Variants in ABCB1 observed in about 807,000 individuals in gnomAD.
ABCB1 encodes the protein ATP-dependent translocase ABCB1.
A neutral mutation model predicts 142.0 loss-of-function variants in ABCB1; 69 were observed. The ratio of observed to expected loss-of-function variants is 0.49; its 90% CI spans 0.40 to 0.59. The LOEUF is 0.59. Ranked by LOEUF, ABCB1 falls within the 20% of genes least tolerant of loss-of-function variation. ABCB1 has a pLI of 0.00. For synonymous variants in ABCB1, 532 were observed against 539.2 expected (o/e 0.99, Z 0.18); for missense variants, 1,326 against 1,554.7 (o/e 0.85, Z 2.47).
intron 4 of ABCB1, among the ~76,000 whole-genome samples, chr7:87,584,610 A>T (rs1012054303): frequency 6.6e-6 from 1 of 152,050 alleles, no homozygotes; most frequent in Non-Finnish European, 1.5e-5. Context: ...TAGTCTATTC[A>T]CTTTCCCACT....
At chr7:87,700,573 A>G in intron 1 of ABCB1, 1 of 1,586,374 alleles carries the variant, frequency 6.3e-7, no homozygotes, top group Admixed American at 1.8e-5. Context: ...TTGGTCAGAG[A>G]CTCGTTTCTA....
chr7:87,656,363 G>T (rs996659313), intron 1 of ABCB1, among the ~76,000 whole-genome samples: 1 of 152,084 alleles, frequency 6.6e-6, no homozygotes, highest in South Asian at 2.1e-4. Context: ...AATACGGTAT[G>T]CATTAGTAGT....
rs192850609 is a variant in ABCB1, at chr7:87,585,651, C to A, written c.147G>T (p.Leu49Phe). ...MFRYSNWLDK[L>F]YMVVGTLAAI... ...CAGCCAAAGTTCCCACCACCATATA[C>A]AACTTGTCAAGCCAATTTGAATAGC... is the stretch of plus-strand genomic sequence containing the variant. The change falls in exon 4 of 28, where the codon TTG becomes TTT. Residue 49 changes from leucine to phenylalanine, a missense_variant. By Grantham distance (22) the Leu-to-Phe change is conservative. Transcript: ENST00000622132. 9 of 1,613,860 alleles carry A rather than the reference C, an allele frequency of 5.6e-6. No homozygotes were observed. The Admixed American group carries it at 8.3e-5, about 15-fold the overall frequency.
chr7:87,568,431 A>C (rs1817886920), intron 5 of ABCB1, among the ~76,000 whole-genome samples: 1 of 151,882 alleles, frequency 6.6e-6, no homozygotes, highest in Admixed American at 6.6e-5. Context: ...AAAAATGCAA[A>C]CAATTCTTGG....
chr7:87,601,737 A>G (rs866934350), upstream of ABCB1, among the ~76,000 whole-genome samples: 50 of 152,378 alleles, frequency 3.3e-4, no homozygotes, highest in African/African-American at 1.1e-3. Context: ...CTTCTTATGA[A>G]CATAGAGGAA....
intron 20 of ABCB1, among the ~76,000 whole-genome samples, chr7:87,534,855 T>C (rs1052593603): frequency 1.4e-5 from 2 of 144,676 alleles, no homozygotes; most frequent in Non-Finnish European, 3.0e-5. Flanking sequence ...TTCTAGGTTA[T>C]AGTGAGCTGT....
chr7:87,520,710 T>A lies in ABCB1; in HGVS notation c.2786+66A>T, dbSNP rs1815462905. 9 of 1,418,852 alleles carry A rather than the reference T, an allele frequency of 6.3e-6. 1 individual carries two copies. The South Asian group carries it at 9.2e-5, about 15-fold the overall frequency. 87.9% of individuals were successfully genotyped at this position (1,418,852 alleles called of 1,614,324 possible). A position where few individuals can be genotyped will look rare whatever the true frequency, so the allele number is the denominator to read the frequency against. On this transcript the variant is annotated intron_variant, in intron 22 of 27. Coordinates refer to ENST00000622132, the MANE Select transcript of ABCB1 (RefSeq NM_001348946.2). ...CCTACCTTCTAGCCAAAGTAATCCC[T>A]CTGAAAACAAATATGATGATTGAAA...
intron 1 of ABCB1, chr7:87,628,386 G>A: frequency 6.4e-6 from 1 of 155,994 alleles, no homozygotes; most frequent in African/African-American, 2.4e-5. Context: ...CGCACGCGAG[G>A]CCGGGGGCCT....
chr7:87,535,083 C>A (rs1242987887), intron 20 of ABCB1, among the ~76,000 whole-genome samples: 1 of 151,976 alleles, frequency 6.6e-6, no homozygotes, highest in Non-Finnish European at 1.5e-5. Flanking sequence ...TATCTTATAG[C>A]CTTTTGTATA....
intron 21 of ABCB1, among the ~76,000 whole-genome samples, chr7:87,526,058 A>C (rs1212826728): frequency 6.6e-6 from 1 of 152,114 alleles, no homozygotes; most frequent in Non-Finnish European, 1.5e-5. Flanking sequence ...AGTGGTTTGG[A>C]AACACTCATC....
At chr7:87,655,658 A>G (rs554933363) in intron 1 of ABCB1, among the ~76,000 whole-genome samples, 1 of 152,188 alleles carries the variant, frequency 6.6e-6, no homozygotes, top group Non-Finnish European at 1.5e-5. Flanking sequence ...AATGTTGACT[A>G]TAGTTAAAGT....
At chr7:87,686,829 C>T (rs1197176153) in intron 1 of ABCB1, among the ~76,000 whole-genome samples, 1 of 150,940 alleles carries the variant, frequency 6.6e-6, no homozygotes, top group Admixed American at 6.6e-5. Flanking sequence ...TCTGTAGTCC[C>T]AGCTACTTGG....
rs202132978 is a variant in ABCB1, at chr7:87,519,309, A to C, written c.2927+17T>G. The C allele has an allele frequency of 3.7e-6, 6 of 1,612,448 alleles. No homozygotes were observed. The African/African-American group carries it at 6.7e-5, about 18-fold the overall frequency. ...CTTTATTTTTAGAGCTTAACTAAAT[A>C]ATAGCCCAATACTTACAACAGAACA... On this transcript the variant is annotated intron_variant, in intron 23 of 27. Transcript: ENST00000622132.
chr7:87,666,056 A>G (rs949649784), intron 1 of ABCB1, among the ~76,000 whole-genome samples: 4 of 152,102 alleles, frequency 2.6e-5, no homozygotes, highest in African/African-American at 9.7e-5. Flanking sequence ...AGGAATTGCC[A>G]TACTGTCTTC....
rs2157928 is a variant in ABCB1, at chr7:87,629,088, G to A, written c.-330-28010C>T. On this transcript the variant is annotated intron_variant, in intron 1 of 28. Transcript: ENST00000265724. The stretch of plus-strand genomic sequence containing the variant: ...TGTTGCGCCAGCCAAATCTGTGAGC[G>A]CGCAGCTCCTTGGACAGGGGCCCGG... 9,293 of 781,902 alleles carry A rather than the reference G, an allele frequency of 0.012. 626 individuals are homozygous for A. The African/African-American group carries it at 0.15, about 12-fold the overall frequency. The allele number at this position is 781,902 out of a possible 1,614,324, so 48.4% of individuals were successfully genotyped here. A position where few individuals can be genotyped will look rare whatever the true frequency, so the allele number is the denominator to read the frequency against.
chr7:87,508,454 G>C (rs1167979090), intron 26 of ABCB1, among the ~76,000 whole-genome samples: 1 of 152,102 alleles, frequency 6.6e-6, no homozygotes, highest in Non-Finnish European at 1.5e-5. Context: ...TTTGGACAAG[G>C]AATAGTCAAC....
intron 4 of ABCB1, among the ~76,000 whole-genome samples, chr7:87,572,155 G>A (rs139984833): frequency 1.3e-5 from 2 of 149,926 alleles, no homozygotes; most frequent in African/African-American, 5.0e-5. Flanking sequence ...TCTTGGGAAA[G>A]CTTACATTAT....
chr7:87,666,041 C>CT (rs1466370274), intron 1 of ABCB1, among the ~76,000 whole-genome samples: 1 of 152,034 alleles, frequency 6.6e-6, no homozygotes, highest in Non-Finnish European at 1.5e-5. Flanking sequence ...TCTTTTAGCT[C>CT]TTTGAGGAAT....
chr7:87,656,726 A>T (rs1055826400), intron 1 of ABCB1, among the ~76,000 whole-genome samples: 25 of 152,154 alleles, frequency 1.6e-4, no homozygotes, highest in African/African-American at 5.6e-4. Context: ...AGGAAAATCA[A>T]TTGATTTGTT....
Sources: allele counts gnomAD v4.1 joint callset (sites outside exome capture counted in the v4.1 genomes callset), GRCh38; gene constraint gnomAD v4.1.1; transcripts MANE v1.5; gene names NCBI Gene and HGNC (gene_info 2026-07-23, HGNC 2026-07-21).